Variants in ARHGEF10 observed in about 807,000 individuals in gnomAD.
The protein encoded by ARHGEF10 is Rho guanine nucleotide exchange factor (GEF) 10.
A neutral mutation model predicts 147.4 loss-of-function variants in ARHGEF10; 140 were observed. That is an observed-to-expected ratio of 0.95 (90% CI 0.83 to 1.09). ARHGEF10 has a LOEUF of 1.09. ARHGEF10 is among the 50% of genes least tolerant of loss of function. The pLI is 0.00. For synonymous variants in ARHGEF10, 902 were observed against 695.8 expected (o/e 1.30, Z -4.67); for missense variants, 2,222 against 1,752.7 (o/e 1.27, Z -4.78).
intron 7 of ARHGEF10, 69 bp from the exon 8 acceptor site, chr8:1,876,502 C>T: frequency 6.6e-7 from 1 of 1,504,010 alleles, no homozygotes; most frequent in Non-Finnish European, 9.3e-7. Flanking sequence ...GGTAAAACCA[C>T]AAACAGGCAC....
intron 2 of ARHGEF10, among the ~76,000 whole-genome samples, chr8:1,850,879 C>T (rs1041990023): frequency 2.0e-5 from 3 of 152,088 alleles, no homozygotes; most frequent in Non-Finnish European, 2.9e-5. Context: ...AAGAAATGAG[C>T]TGCCAAGCCG....
chr8:1,824,215 C>T (rs1462813919), intron 1 of ARHGEF10, 102 bp downstream of exon 1: 2 of 152,154 alleles, frequency 1.3e-5, no homozygotes, highest in Non-Finnish European at 2.9e-5. Context: ...GGGTCCCACC[C>T]GGAGGTGGCT....
chr8:1,956,833 A>T lies in ARHGEF10; in HGVS notation c.3605A>T (p.Asp1202Val), dbSNP rs1166839443. ...ACGGCTCTGCACGAGAAAGACAAGG[A>T]CAAATCCAGGGACAGCCTGGCTCCT... ...LATALHEKDK[D>V]KSRDSLAPGP... Residue 1202 changes from aspartate (D) to valine (V), a missense_variant, in exon 29 of 29, where the codon GAC becomes GTC. Asp to Val is a radical substitution (Grantham distance 152). Transcript: ENST00000349830. The T allele has an allele frequency of 6.2e-7, 1 of 1,614,072 alleles. No homozygotes were observed. Among genetic ancestry groups the T allele is most frequent in the Non-Finnish European group, 8.5e-7 (1 of 1,180,038 alleles).
intron 7 of ARHGEF10, among the ~76,000 whole-genome samples, chr8:1,873,954 C>T (rs568233002): frequency 6.6e-6 from 1 of 152,204 alleles, no homozygotes; most frequent in South Asian, 2.1e-4. Flanking sequence ...GCTCACTGTA[C>T]AGCCAATGCC....
At chr8:1,897,967 G>T (rs776632046) in intron 14 of ARHGEF10, among the ~76,000 whole-genome samples, 1 of 152,118 alleles carries the variant, frequency 6.6e-6, no homozygotes, top group Non-Finnish European at 1.5e-5. Flanking sequence ...CTCAGCAGAG[G>T]GACCTGGAGA....
At chr8:1,827,729 G>T (rs1194966039) in intron 1 of ARHGEF10, among the ~76,000 whole-genome samples, 1 of 152,106 alleles carries the variant, frequency 6.6e-6, no homozygotes, top group Non-Finnish European at 1.5e-5. Flanking sequence ...GGGGTTGTTG[G>T]TATTTTATAT....
rs572587913 is a variant in ARHGEF10 at position 1,903,533 on chromosome 8, T to C, written c.1821+82T>C. ...AGCTGTCGTTGTCCAGCAATACTAA[T>C]CTTTTGGATCGTTTGGAGTAATTCC... On this transcript the variant is annotated intron_variant, in intron 16 of 28. Coordinates refer to ENST00000349830, the MANE Select transcript of ARHGEF10 (RefSeq NM_014629.4). 4 of 1,554,488 alleles carry C rather than the reference T, an allele frequency of 2.6e-6. No individual in the cohort carries two copies. The South Asian group carries it at 3.4e-5, about 13-fold the overall frequency.
intron 2 of ARHGEF10, among the ~76,000 whole-genome samples, chr8:1,847,071 C>T (rs369736685): frequency 6.6e-6 from 1 of 152,142 alleles, no homozygotes; most frequent in South Asian, 2.1e-4. Flanking sequence ...TTACCAGGTC[C>T]CTGTGCCTTC....
chr8:1,923,886 C>T lies in ARHGEF10; in HGVS notation c.2488+12C>T. The T allele has an allele frequency of 2.5e-6, 4 of 1,612,518 alleles. No homozygotes were observed. The highest frequency in any genetic ancestry group is 3.4e-6 in the Non-Finnish European group (4 of 1,178,614). On this transcript the variant is annotated intron_variant, in intron 21 of 28. Transcript: ENST00000349830. The stretch of plus-strand genomic sequence containing the variant: ...CAAGCTCGCCCTAGGTAAGGCCTGG[C>T]TGGCTGAGGCTGAATGAGGCATGCG...
At chr8:1,872,395 A>G (rs1054280815) in intron 7 of ARHGEF10, among the ~76,000 whole-genome samples, 22 of 152,204 alleles carry the variant, frequency 1.4e-4, no homozygotes, top group African/African-American at 5.3e-4. Context: ...AGAAGCAAGG[A>G]TGAGGTGAGA....
rs1813696273 is a variant in ARHGEF10, at chr8:1,937,325, G to A, written c.3222+3383G>A. 6.6e-6 allele frequency among the ~76,000 whole-genome samples: 1 copy of A among 152,128 alleles called. No individual in the cohort carries two copies. The highest frequency in any genetic ancestry group is 2.1e-4 in the South Asian group (1 of 4,824). The stretch of plus-strand genomic sequence containing the variant: ...GCTTCTTGAGTTTTTCACAGCCCTT[G>A]TACCCCATCAGTACAGCCATCCTAG... On this transcript the variant is annotated intron_variant, in intron 26 of 28. Coordinates refer to ENST00000349830, the MANE Select transcript of ARHGEF10 (RefSeq NM_014629.4). This position sits in a 1 kb window ranked among gnomAD's most constrained non-coding sequence, Gnocchi z 4.9.
At chr8:1,885,859 A>G (rs1808614666) in intron 11 of ARHGEF10, 152 bp downstream of exon 11, 3 of 715,866 alleles carry the variant, frequency 4.2e-6, no homozygotes, top group South Asian at 1.5e-5. Context: ...CCCAGCACTT[A>G]GAGGCTTACT....
chr8:1,831,094 A>G (rs910803367), intron 1 of ARHGEF10, among the ~76,000 whole-genome samples: 5 of 152,216 alleles, frequency 3.3e-5, no homozygotes, highest in African/African-American at 1.2e-4. Context: ...TGTGTGTCAG[A>G]GCGGCTGGAA....
intron 15 of ARHGEF10, among the ~76,000 whole-genome samples, chr8:1,902,820 T>G (rs1168167493): frequency 2.6e-5 from 4 of 152,162 alleles, no homozygotes; most frequent in African/African-American, 9.7e-5. Context: ...TGAGAGAGAC[T>G]CGATCCTGCT....
chr8:1,915,433 C>G (rs1010757174), intron 18 of ARHGEF10, among the ~76,000 whole-genome samples: 1 of 152,280 alleles, frequency 6.6e-6, no homozygotes, highest in Non-Finnish European at 1.5e-5. Context: ...CAGAGCCAGC[C>G]TGGGACTTGG....
chr8:1,917,354 G>A (rs1811835071), intron 18 of ARHGEF10, among the ~76,000 whole-genome samples: 2 of 152,144 alleles, frequency 1.3e-5, no homozygotes, highest in Admixed American at 1.3e-4. Context: ...AATTTTTAAC[G>A]CCTTCTGGCT....
At chr8:1,851,501 G>A (rs942091482) in intron 2 of ARHGEF10, among the ~76,000 whole-genome samples, 2 of 152,098 alleles carry the variant, frequency 1.3e-5, no homozygotes, top group Non-Finnish European at 2.9e-5. Flanking sequence ...GCAAAGGATG[G>A]GGGATAGTGT....
At chr8:1,903,674 G>T in intron 16 of ARHGEF10, 1 of 615,106 alleles carries the variant, frequency 1.6e-6, no homozygotes, top group Non-Finnish European at 2.8e-6. Context: ...TTAGGAAAGA[G>T]ATTCATACAT....
chr8:1,838,973 G>C lies in ARHGEF10; in HGVS notation c.-47-4380G>C, dbSNP rs530293344. 2.6e-5 allele frequency among the ~76,000 whole-genome samples: 4 copies of C among 151,462 alleles called. No homozygotes were observed. In the South Asian group the frequency reaches 8.4e-4, roughly 32 times the overall value. On this transcript the variant is annotated intron_variant, in intron 1 of 28. Coordinates refer to ENST00000349830, the MANE Select transcript of ARHGEF10 (RefSeq NM_014629.4). ...CTGGCATGGAAGCTGTCTGGCGTGG[G>C]GACTCTCTGGCGTGGGGGCCATCTG...
Sources: gnomAD v4.1 joint callset for allele counts (sites outside exome capture counted in the v4.1 genomes callset) on GRCh38, gnomAD v4.1.1 for gene constraint, Gnocchi (gnomAD v3.1) non-coding constraint, MANE v1.5 for transcripts, NCBI Gene and HGNC (gene_info 2026-07-23, HGNC 2026-07-21) for gene names.